The following THSD7B variants were observed in gnomAD, a reference collection of about 807,000 sequenced individuals.
The protein encoded by THSD7B is thrombospondin type-1 domain-containing protein 7B.
A neutral mutation model predicts 213.6 loss-of-function variants in THSD7B; 138 were observed. That is an observed-to-expected ratio of 0.65 (90% CI 0.56 to 0.74). The LOEUF is 0.74. Ranked by LOEUF, THSD7B falls within the 30% of genes least tolerant of loss-of-function variation. The probability of loss-of-function intolerance (pLI) is 0.00; values close to 1 mark genes in which losing one functional copy is unlikely to be tolerated. For synonymous variants in THSD7B, 742 were observed against 687.0 expected (o/e 1.08, Z -1.25); for missense variants, 1,931 against 1,991.5 (o/e 0.97, Z 0.58).
chr2:137,505,075 G>A (rs1012120999), intron 15 of THSD7B, among the ~76,000 whole-genome samples: 30 of 152,066 alleles, frequency 2.0e-4, no homozygotes, highest in African/African-American at 7.0e-4. Flanking sequence ...ATTTTAGAAT[G>A]CAGTCCTAAG....
intron 2 of THSD7B, among the ~76,000 whole-genome samples, chr2:136,893,758 C>G (rs1294998969): frequency 6.6e-6 from 1 of 152,152 alleles, no homozygotes; most frequent in Admixed American, 6.5e-5. Context: ...GTTCCCAACA[C>G]TATAGCCACA....
intron 2 of THSD7B, among the ~76,000 whole-genome samples, chr2:136,987,214 C>G (rs1685687523): frequency 6.6e-6 from 1 of 152,150 alleles, no homozygotes; most frequent in Non-Finnish European, 1.5e-5. Flanking sequence ...GAGATTACTA[C>G]TTTTGATTTT....
At chr2:137,612,915 A>G (rs1682314280) in intron 17 of THSD7B, among the ~76,000 whole-genome samples, 1 of 152,156 alleles carries the variant, frequency 6.6e-6, no homozygotes, top group Admixed American at 6.5e-5. Flanking sequence ...TTAGCCGAAT[A>G]CCCTTGTAAC....
At chr2:137,365,658 C>T (rs529823143) in intron 12 of THSD7B, among the ~76,000 whole-genome samples, 38 of 152,308 alleles carry the variant, frequency 2.5e-4, no homozygotes, top group African/African-American at 8.9e-4. Flanking sequence ...CATCACTGGT[C>T]ATCAGAGAAA....
At chr2:137,605,654 T>A (rs1417517715) in intron 17 of THSD7B, among the ~76,000 whole-genome samples, 8 of 50,706 alleles carry the variant, frequency 1.6e-4, no homozygotes, top group Non-Finnish European at 2.6e-4. Context: ...CGCACTTTTT[T>A]TTTTTTTTTT....
At chr2:136,956,125 G>A (rs552443720) in intron 2 of THSD7B, among the ~76,000 whole-genome samples, 2 of 151,904 alleles carry the variant, frequency 1.3e-5, no homozygotes, top group African/African-American at 4.8e-5. Flanking sequence ...TAATAAATCT[G>A]TCAAGGAGTA....
intron 7 of THSD7B, among the ~76,000 whole-genome samples, chr2:137,226,348 ATTTTCT>A (rs1399186682): frequency 6.6e-6 from 1 of 150,492 alleles, no homozygotes; most frequent in Non-Finnish European, 1.5e-5. Context: ...GGTTTTTTTT[ATTTTCT>A]TTTTCTTTGT....
chr2:137,074,105 T>C (rs2104895638), intron 3 of THSD7B, among the ~76,000 whole-genome samples: 1 of 151,020 alleles, frequency 6.6e-6, no homozygotes, highest in Admixed American at 6.6e-5. Context: ...TTAGGTCCGC[T>C]TGGTACAGAG....
At chr2:137,492,888 G>A (rs190396347) in intron 15 of THSD7B, among the ~76,000 whole-genome samples, 6 of 151,870 alleles carry the variant, frequency 4.0e-5, no homozygotes, top group East Asian at 1.9e-4. Context: ...TTGGGAGGCC[G>A]ACATGGGTAT....
intron 18 of THSD7B, among the ~76,000 whole-genome samples, chr2:137,617,126 T>G (rs981032566): frequency 3.9e-5 from 6 of 152,226 alleles, no homozygotes; most frequent in Non-Finnish European, 8.8e-5. Flanking sequence ...TCTGATTGTC[T>G]TCGTGGGTAA....
intron 2 of THSD7B, among the ~76,000 whole-genome samples, chr2:136,947,498 A>T (rs191217526): frequency 1.4e-4 from 21 of 152,322 alleles, no homozygotes; most frequent in African/African-American, 4.8e-4. Flanking sequence ...TGTGTTATCC[A>T]TATGATTCCC....
chr2:136,864,289 A>T (rs1683298809), intron 1 of THSD7B, among the ~76,000 whole-genome samples: 1 of 152,034 alleles, frequency 6.6e-6, no homozygotes. Context: ...TGTTCTCTGG[A>T]TTTTCTTTTT....
chr2:137,419,203 C>G lies in THSD7B; in HGVS notation c.2959+7331C>G, dbSNP rs192197572. ...GTTTATAGGCATGAACCACCATGCC[C>G]AGCTATACCACATTTTTGATGCAGG... On this transcript the variant is annotated intron_variant, in intron 14 of 27. Transcript: ENST00000409968. 5.9e-5 allele frequency among the ~76,000 whole-genome samples: 9 copies of G among 151,550 alleles called. No homozygotes were observed. The South Asian group carries it at 1.7e-3, about 28-fold the overall frequency.
intron 4 of THSD7B, among the ~76,000 whole-genome samples, chr2:137,097,354 G>C (rs1212677649): frequency 6.6e-6 from 1 of 151,802 alleles, no homozygotes; most frequent in Admixed American, 6.6e-5. Context: ...ACCTACTGTT[G>C]GCCAATAATT....
intron 15 of THSD7B, among the ~76,000 whole-genome samples, chr2:137,535,897 G>C (rs1381254748): frequency 6.6e-6 from 1 of 151,396 alleles, no homozygotes; most frequent in Non-Finnish European, 1.5e-5. Context: ...GGAGACAGAC[G>C]TTCTCTTGTC....
rs114909766 is a variant in THSD7B at position 136,802,916 on chromosome 2, C to T, written c.-36+37229C>T. 6.3e-3 allele frequency among the ~76,000 whole-genome samples: 954 copies of T among 151,628 alleles called. 12 individuals carry two copies. The highest frequency in any genetic ancestry group is 0.022 in the African/African-American group (895 of 41,396). Reference sequence around the variant, plus strand: ...TTATCACCTCATGATGGGTATGCTACGAAACATTTTGCCTACATCAGAGCT... The same window carrying T: ...TTATCACCTCATGATGGGTATGCTATGAAACATTTTGCCTACATCAGAGCT... On this transcript the variant is annotated intron_variant, in intron 1 of 27. Transcript: ENST00000409968.
intron 12 of THSD7B, among the ~76,000 whole-genome samples, chr2:137,343,944 G>T (rs1268092582): frequency 1.3e-5 from 2 of 151,706 alleles, no homozygotes; most frequent in Admixed American, 1.3e-4. Context: ...AAATACACAT[G>T]TTGAGTTCTT....
chr2:137,504,444 G>A (rs188881616), intron 15 of THSD7B, among the ~76,000 whole-genome samples: 3 of 152,114 alleles, frequency 2.0e-5, no homozygotes, highest in Admixed American at 2.0e-4. Flanking sequence ...GGATTATTCT[G>A]CTCCCATCTA....
chr2:137,312,380 A>C (rs1338577592), intron 12 of THSD7B, among the ~76,000 whole-genome samples: 5 of 148,804 alleles, frequency 3.4e-5, no homozygotes, highest in Non-Finnish European at 6.0e-5. Flanking sequence ...TATTGTGTCT[A>C]TTTGATTCTT....
Sources: allele counts gnomAD v4.1 joint callset (sites outside exome capture counted in the v4.1 genomes callset), GRCh38; gene constraint gnomAD v4.1.1; transcripts MANE v1.5; gene names NCBI Gene and HGNC (gene_info 2026-07-23, HGNC 2026-07-21).